The following PDE3A variants were observed in gnomAD, a reference collection of about 807,000 sequenced individuals.
The protein encoded by PDE3A is cGMP-inhibited 3',5'-cyclic phosphodiesterase 3A.
Under a neutral mutation model 98.3 loss-of-function variants are expected in PDE3A, and 43 were observed. The ratio of observed to expected loss-of-function variants is 0.44; its 90% CI spans 0.34 to 0.56. The LOEUF (loss-of-function observed/expected upper bound fraction) is 0.56. Among genes scored for constraint, PDE3A ranks in the 20% least tolerant of loss-of-function variants. The pLI, the probability that PDE3A is intolerant of heterozygous loss-of-function variation, is 0.01. For missense variants in PDE3A, 1,427 were observed against 1,440.7 expected (o/e 0.99, Z 0.15); for synonymous variants, 663 against 567.9 (o/e 1.17, Z -2.38).
At chr12:20,504,701 G>T (rs1381767399) in intron 1 of PDE3A, among the ~76,000 whole-genome samples, 1 of 151,926 alleles carries the variant, frequency 6.6e-6, no homozygotes, top group Non-Finnish European at 1.5e-5. Flanking sequence ...CAGTTTCAAA[G>T]CTGGCAAAGG....
In PDE3A at chr12:20,455,919, G is replaced by A. The variant is rs117688772; in HGVS notation, c.960+85675G>A. 4.5e-4 allele frequency among the ~76,000 whole-genome samples: 68 copies of A among 152,134 alleles called. No individual in the cohort carries two copies. In the East Asian group the frequency reaches 9.7e-3, roughly 22 times the overall value. On this transcript the variant is annotated intron_variant, in intron 1 of 15. Transcript: ENST00000359062. Reference sequence around the variant, plus strand: ...ATCTGAAGCTTTCCTGCATCAAAGCGTTCATCCCTGGAACATTCCTATCAA... The same window carrying A: ...ATCTGAAGCTTTCCTGCATCAAAGCATTCATCCCTGGAACATTCCTATCAA...
chr12:20,595,045 CTT>C (rs1168741543), intron 2 of PDE3A, among the ~76,000 whole-genome samples: 1 of 151,794 alleles, frequency 6.6e-6, no homozygotes, highest in Non-Finnish European at 1.5e-5. Context: ...TAAAAGAAAA[CTT>C]TACTTCAACT....
intron 15 of PDE3A, among the ~76,000 whole-genome samples, chr12:20,679,142 A>C (rs780744696): frequency 2.6e-4 from 39 of 152,244 alleles, no homozygotes; most frequent in Admixed American, 1.3e-3. Context: ...AGAACATTTC[A>C]GGATAGACAA....
intron 1 of PDE3A, among the ~76,000 whole-genome samples, chr12:20,535,562 TA>T (rs1479203813): frequency 6.6e-6 from 1 of 152,148 alleles, no homozygotes; most frequent in African/African-American, 2.4e-5. Flanking sequence ...TGAGGATTTT[TA>T]AAATAATGCA....
chr12:20,432,466 A>T (rs2120807326), intron 1 of PDE3A, among the ~76,000 whole-genome samples: 1 of 152,292 alleles, frequency 6.6e-6, no homozygotes, highest in African/African-American at 2.4e-5. Flanking sequence ...TTATCACAAA[A>T]AAAGGTGGGA....
chr12:20,373,358 C>T (rs1456240626), intron 1 of PDE3A, among the ~76,000 whole-genome samples: 2 of 151,958 alleles, frequency 1.3e-5, no homozygotes, highest in Admixed American at 6.6e-5. Context: ...ACCACTGTGC[C>T]CTCGGCCCGA....
intron 2 of PDE3A, among the ~76,000 whole-genome samples, chr12:20,597,653 A>G (rs1943498182): frequency 6.6e-6 from 1 of 152,112 alleles, no homozygotes; most frequent in Non-Finnish European, 1.5e-5. Flanking sequence ...TTCACTTTCA[A>G]CCAACTTCTT....
chr12:20,438,781 A>C (rs890639576), intron 1 of PDE3A, among the ~76,000 whole-genome samples: 1 of 147,632 alleles, frequency 6.8e-6, no homozygotes, highest in African/African-American at 2.5e-5. Flanking sequence ...TTTTTTTGAG[A>C]TGGAGTCTTG....
At chr12:20,666,660 T>G (rs1945321670) in intron 15 of PDE3A, among the ~76,000 whole-genome samples, 1 of 152,250 alleles carries the variant, frequency 6.6e-6, no homozygotes, top group African/African-American at 2.4e-5. Context: ...ATACCACATT[T>G]TCTTTATCCA....
intron 15 of PDE3A, among the ~76,000 whole-genome samples, chr12:20,674,756 T>C (rs1007918123): frequency 4.6e-5 from 7 of 152,268 alleles, no homozygotes; most frequent in African/African-American, 1.7e-4. Context: ...AAATAGTCTC[T>C]GATACTTTTG....
Position 20,369,117 on chromosome 12 carries a change from C to A in PDE3A, c.-168C>A. ...GCATTCTCCAGGAGTTATTCGAAAG[C>A]TGAAACTTTCAGTGGATTGTGGGCC... On this transcript the variant is annotated 5_prime_UTR_variant, in exon 1 of 16. It adds an upstream start codon to the 5' untranslated region. Transcript: ENST00000359062. 2 of 558,600 alleles carry A rather than the reference C, an allele frequency of 3.6e-6. No individual in the cohort carries two copies. The highest frequency in any genetic ancestry group is 4.7e-4 in the Middle Eastern group (1 of 2,136). The allele number at this position is 558,600 out of a possible 1,614,324, so 34.6% of individuals were successfully genotyped here.
chr12:20,544,427 C>A (rs973232211), intron 1 of PDE3A, among the ~76,000 whole-genome samples: 4 of 151,686 alleles, frequency 2.6e-5, no homozygotes, highest in African/African-American at 9.7e-5. Context: ...TTACATTTTT[C>A]TGTTATTTCA....
intron 1 of PDE3A, among the ~76,000 whole-genome samples, chr12:20,393,982 G>A (rs1416505900): frequency 6.6e-6 from 1 of 152,040 alleles, no homozygotes; most frequent in Non-Finnish European, 1.5e-5. Context: ...TGACGTGAGA[G>A]AAAAAGTTTA....
chr12:20,511,997 G>T (rs551635371), intron 1 of PDE3A, among the ~76,000 whole-genome samples: 1 of 151,906 alleles, frequency 6.6e-6, no homozygotes, highest in African/African-American at 2.4e-5. Context: ...GAATATACAC[G>T]ACTAGCATTA....
chr12:20,441,279 A>G (rs916130769), intron 1 of PDE3A, among the ~76,000 whole-genome samples: 1 of 152,198 alleles, frequency 6.6e-6, no homozygotes, highest in Non-Finnish European at 1.5e-5. Context: ...GTCATTGAGT[A>G]GGATCCTTCG....
At chr12:20,550,229 T>C (rs186296259) in intron 1 of PDE3A, among the ~76,000 whole-genome samples, 3 of 152,252 alleles carry the variant, frequency 2.0e-5, no homozygotes, top group Non-Finnish European at 2.9e-5. Context: ...TTTGATCCTG[T>C]TAGTTTAAAC....
chr12:20,620,624 C>A (rs1944109609), intron 4 of PDE3A, among the ~76,000 whole-genome samples: 5 of 151,956 alleles, frequency 3.3e-5, no homozygotes, highest in Admixed American at 3.3e-4. Flanking sequence ...CATTTATTTG[C>A]AATAAGCAAC....
At chr12:20,643,593 T>C (rs1944695996) in intron 10 of PDE3A, among the ~76,000 whole-genome samples, 1 of 150,602 alleles carries the variant, frequency 6.6e-6, no homozygotes, top group Non-Finnish European at 1.5e-5. Flanking sequence ...TAGATGTATA[T>C]GTTTAGATAA....
chr12:20,389,583 G>A (rs964671605), intron 1 of PDE3A, among the ~76,000 whole-genome samples: 2 of 151,908 alleles, frequency 1.3e-5, no homozygotes, highest in Admixed American at 6.6e-5. Flanking sequence ...ATTCTAGAAC[G>A]TTTGAAGAGT....
Sources: gnomAD v4.1 joint callset for allele counts (sites outside exome capture counted in the v4.1 genomes callset) on GRCh38, gnomAD v4.1.1 for gene constraint, MANE v1.5 for transcripts, NCBI Gene and HGNC (gene_info 2026-07-23, HGNC 2026-07-21) for gene names.